Variants in QKI observed in about 807,000 individuals in gnomAD.
The protein encoded by QKI is QKI, KH domain containing RNA binding, also known as KH domain-containing RNA-binding protein QKI.
A neutral mutation model predicts 39.0 loss-of-function variants in QKI; 10 were observed. That is an observed-to-expected ratio of 0.26 (90% CI 0.16 to 0.43). The LOEUF (loss-of-function observed/expected upper bound fraction) is 0.43, where lower values mean the gene tolerates loss of function less well. Among genes scored for constraint, QKI ranks in the 20% least tolerant of loss-of-function variants. The pLI is 1.00. For synonymous variants in QKI, 204 were observed against 155.4 expected (o/e 1.31, Z -2.33); for missense variants, 218 against 428.0 (o/e 0.51, Z 4.33).
chr6:163,454,023 T>G (rs1467101314), intron 1 of QKI, among the ~76,000 whole-genome samples: 1 of 152,144 alleles, frequency 6.6e-6, no homozygotes, highest in African/African-American at 2.4e-5. Context: ...TATCAATAAA[T>G]TGAACTTCCC....
chr6:163,513,007 A>C (rs1460215983), intron 3 of QKI, among the ~76,000 whole-genome samples: 1 of 152,184 alleles, frequency 6.6e-6, no homozygotes, highest in Non-Finnish European at 1.5e-5. Context: ...GTGGTACAGT[A>C]CAAGATGCTT....
At chr6:163,500,890 A>ACG (rs1778715651) in intron 3 of QKI, among the ~76,000 whole-genome samples, 2 of 151,962 alleles carry the variant, frequency 1.3e-5, no homozygotes, top group South Asian at 4.1e-4. Flanking sequence ...GCCCACACAC[A>ACG]TAACTGACAA....
intron 1 of QKI, among the ~76,000 whole-genome samples, chr6:163,417,224 A>C (rs1458647768): frequency 1.3e-5 from 2 of 152,098 alleles, no homozygotes; most frequent in East Asian, 3.9e-4. Context: ...TTAAAGTTTT[A>C]GTAGTATTAG....
intron 3 of QKI, among the ~76,000 whole-genome samples, chr6:163,516,786 G>A (rs1779829610): frequency 6.6e-6 from 1 of 152,092 alleles, no homozygotes; most frequent in Admixed American, 6.5e-5. Flanking sequence ...TCTTACTGGT[G>A]TAGAGGTGTA....
intron 1 of QKI, among the ~76,000 whole-genome samples, chr6:163,451,426 C>T (rs2128218322): frequency 6.6e-6 from 1 of 152,220 alleles, no homozygotes; most frequent in South Asian, 2.1e-4. Context: ...GGGTATAAAA[C>T]CATGTCATTG....
intron 4 of QKI, among the ~76,000 whole-genome samples, chr6:163,554,534 A>G (rs903753563): frequency 2.0e-5 from 3 of 152,252 alleles, no homozygotes; most frequent in African/African-American, 7.2e-5. Context: ...AAGTTGATCA[A>G]CCAGATGAAT....
chr6:163,565,798 A>T lies in QKI; in HGVS notation c.935-923A>T, dbSNP rs1583232078. 8.9e-6 allele frequency: 12 copies of T among 1,351,498 alleles called. No homozygotes were observed. In the East Asian group the frequency reaches 3.1e-4, roughly 35 times the overall value. 83.7% of individuals were successfully genotyped at this position (1,351,498 alleles called of 1,614,324 possible). On this transcript the variant is annotated intron_variant, in intron 6 of 7. Coordinates refer to ENST00000361752, the MANE Select transcript of QKI (RefSeq NM_006775.3). ...CACACAGATAACATGCATGCTATTT[A>T]TGTCACATCTCACATTAAATTATTT...
At chr6:163,512,498 A>G (rs546760610) in intron 3 of QKI, among the ~76,000 whole-genome samples, 2 of 152,218 alleles carry the variant, frequency 1.3e-5, no homozygotes, top group African/African-American at 4.8e-5. Flanking sequence ...GCTTGAAAAT[A>G]TATAAAGCAA....
intron 3 of QKI, among the ~76,000 whole-genome samples, chr6:163,511,789 G>A (rs1382657338): frequency 2.6e-5 from 4 of 151,408 alleles, no homozygotes; most frequent in Non-Finnish European, 4.4e-5. Context: ...TGAATCTTAT[G>A]TAAAGTCTTC....
chr6:163,510,970 T>C (rs1337965348), intron 3 of QKI, among the ~76,000 whole-genome samples: 1 of 152,218 alleles, frequency 6.6e-6, no homozygotes, highest in East Asian at 1.9e-4. Flanking sequence ...AGCTAGAGAA[T>C]TCTCATTCTT....
chr6:163,443,796 A>G (rs976649567), intron 1 of QKI, among the ~76,000 whole-genome samples: 2 of 152,254 alleles, frequency 1.3e-5, no homozygotes, highest in Admixed American at 6.5e-5. Flanking sequence ...AATTTTGAAT[A>G]CAATCGAAAA....
intron 1 of QKI, among the ~76,000 whole-genome samples, chr6:163,436,315 T>G (rs1789268721): frequency 6.6e-6 from 1 of 152,226 alleles, no homozygotes; most frequent in Non-Finnish European, 1.5e-5. Flanking sequence ...TTCTTTTGAC[T>G]GTAGTTTTGG....
intron 3 of QKI, among the ~76,000 whole-genome samples, chr6:163,520,003 C>G (rs1337637668): frequency 6.6e-6 from 1 of 152,062 alleles, no homozygotes; most frequent in Non-Finnish European, 1.5e-5. Context: ...GTAACGTACC[C>G]TTTGAAAATA....
chr6:163,455,492 G>T, intron 2 of QKI, 71 bp downstream of exon 2: 1 of 1,413,094 alleles, frequency 7.1e-7, no homozygotes, highest in Non-Finnish European at 9.7e-7. Flanking sequence ...ATATTTGGTG[G>T]TAAATACTTA....
At position 163,455,536 on chromosome 6, in the gene QKI, T is replaced by C. The variant is rs577423900; in HGVS notation, c.285+115T>C. The C allele has an allele frequency of 6.4e-5, 66 of 1,029,882 alleles. No individual in the cohort carries two copies. The East Asian group carries it at 1.5e-3, about 24-fold the overall frequency. 63.8% of individuals were successfully genotyped at this position (1,029,882 alleles called of 1,614,324 possible). ...TAGCCACTTTAAAAAAATGCAGTCA[T>C]CAACTGAAGTGTGAATAATTTGGCA... On this transcript the variant is annotated intron_variant, in intron 2 of 7. Coordinates refer to ENST00000361752, the MANE Select transcript of QKI (RefSeq NM_006775.3).
intron 3 of QKI, among the ~76,000 whole-genome samples, chr6:163,525,953 GTTTT>G (rs1444708836): frequency 6.6e-6 from 1 of 152,134 alleles, no homozygotes; most frequent in Non-Finnish European, 1.5e-5. Context: ...AGCCCTATAT[GTTTT>G]TTGTTTGTTT....
intron 4 of QKI, among the ~76,000 whole-genome samples, chr6:163,554,432 T>C (rs548043947): frequency 1.3e-5 from 2 of 152,284 alleles, no homozygotes; most frequent in Non-Finnish European, 2.9e-5. Flanking sequence ...GCAGTTCAGT[T>C]TGGAACTTAG....
At chr6:163,549,239 T>C (rs542847818) in intron 4 of QKI, among the ~76,000 whole-genome samples, 11 of 151,960 alleles carry the variant, frequency 7.2e-5, no homozygotes, top group Middle Eastern at 3.4e-3. Context: ...GATGATGAAA[T>C]TTGAGCAGAG....
At chr6:163,418,801 A>G (rs1158221812) in intron 1 of QKI, among the ~76,000 whole-genome samples, 7 of 152,180 alleles carry the variant, frequency 4.6e-5, no homozygotes, top group African/African-American at 7.2e-5. Flanking sequence ...GTTGAATGCA[A>G]ATTGTTATAA....
Sources: allele counts gnomAD v4.1 joint callset (sites outside exome capture counted in the v4.1 genomes callset), GRCh38; gene constraint gnomAD v4.1.1; transcripts MANE v1.5; gene names NCBI Gene and HGNC (gene_info 2026-07-23, HGNC 2026-07-21).